NAV2: variants seen among roughly 807,000 people sequenced by gnomAD.
NAV2 encodes neuron navigator 2.
A neutral mutation model predicts 223.2 loss-of-function variants in NAV2; 54 were observed. The observed-to-expected ratio is 0.24, with a 90% CI of 0.19 to 0.30. The LOEUF is 0.30. NAV2 is among the 10% of genes least tolerant of loss of function. NAV2 has a pLI of 1.00. For synonymous variants in NAV2, 1,279 were observed against 1,239.3 expected (o/e 1.03, Z -0.67); for missense variants, 2,806 against 3,147.5 (o/e 0.89, Z 2.60).
At chr11:20,109,305 G>A (rs2062434594) in intron 36 of NAV2, among the ~76,000 whole-genome samples, 1 of 151,816 alleles carries the variant, frequency 6.6e-6, no homozygotes, top group South Asian at 2.1e-4. Flanking sequence ...CAGGAAAAAA[G>A]CAAGAAATTA....
intron 1 of NAV2, among the ~76,000 whole-genome samples, chr11:19,736,974 C>T (rs1056354622): frequency 3.3e-5 from 5 of 152,338 alleles, no homozygotes; most frequent in African/African-American, 7.2e-5. Context: ...TTTGGCGGGC[C>T]GGTCTCACAC....
At chr11:19,407,573 T>C (rs1181822556) in intron 1 of NAV2, among the ~76,000 whole-genome samples, 1 of 152,092 alleles carries the variant, frequency 6.6e-6, no homozygotes, top group African/African-American at 2.4e-5. Flanking sequence ...GGATTTGCAT[T>C]TTGGAGATAT....
At chr11:19,721,916 G>A (rs2050777398) in intron 1 of NAV2, among the ~76,000 whole-genome samples, 1 of 152,200 alleles carries the variant, frequency 6.6e-6, no homozygotes, top group East Asian at 1.9e-4. Flanking sequence ...GAAAGAAAAT[G>A]CAAAATGTTA....
chr11:19,741,162 T>G (rs2052762326), intron 1 of NAV2, among the ~76,000 whole-genome samples: 1 of 152,230 alleles, frequency 6.6e-6, no homozygotes, highest in Non-Finnish European at 1.5e-5. Context: ...TTGTATAAAT[T>G]TAAGATGTAC....
intron 1 of NAV2, 69 bp downstream of exon 1, chr11:19,714,031 G>A: frequency 6.4e-7 from 1 of 1,569,508 alleles, no homozygotes; most frequent in Non-Finnish European, 8.7e-7. Context: ...GGATGGTGTG[G>A]GAGAAAGGGC....
intron 10 of NAV2, among the ~76,000 whole-genome samples, chr11:19,963,632 CTG>C (rs1331635829): frequency 2.0e-5 from 3 of 152,192 alleles, no homozygotes; most frequent in Non-Finnish European, 2.9e-5. Context: ...ACCATGGAGG[CTG>C]TGGCAGGGGC....
At chr11:19,881,253 T>C (rs7122844) in intron 5 of NAV2, among the ~76,000 whole-genome samples, 1,925 of 152,254 alleles carry the variant, frequency 0.013, 37 homozygotes, top group African/African-American at 0.043. Flanking sequence ...CCATAATTAA[T>C]TATCTATTTA....
At chr11:20,079,721 G>A (rs2059970973) in intron 24 of NAV2, among the ~76,000 whole-genome samples, 1 of 152,174 alleles carries the variant, frequency 6.6e-6, no homozygotes, top group South Asian at 2.1e-4. Flanking sequence ...GAGAGCAGGA[G>A]AGGGAGGGGG....
At chr11:19,629,541 T>TCACA (rs2047285559) in intron 1 of NAV2, among the ~76,000 whole-genome samples, 2 of 116,488 alleles carry the variant, frequency 1.7e-5, no homozygotes, top group South Asian at 2.8e-4. Flanking sequence ...TCTCTCTCTC[T>TCACA]GACACACACA....
At chr11:20,029,075 T>C (rs558958498) in intron 11 of NAV2, among the ~76,000 whole-genome samples, 1 of 152,362 alleles carries the variant, frequency 6.6e-6, no homozygotes, top group African/African-American at 2.4e-5. Context: ...TGGAGTTACC[T>C]GTTCGGCAGC....
chr11:19,710,814 G>A (rs1321835904), upstream of NAV2: 1 of 152,188 alleles, frequency 6.6e-6, no homozygotes, highest in Non-Finnish European at 1.5e-5. Flanking sequence ...AAATCTAAAA[G>A]ACAATCTCTC....
intron 1 of NAV2, among the ~76,000 whole-genome samples, chr11:19,698,743 C>T (rs2049419315): frequency 6.6e-6 from 1 of 152,228 alleles, no homozygotes; most frequent in African/African-American, 2.4e-5. Flanking sequence ...CCATGGATTT[C>T]AACACCTCGG....
chr11:19,938,079 G>T (rs2046070227), intron 7 of NAV2, among the ~76,000 whole-genome samples: 1 of 152,218 alleles, frequency 6.6e-6, no homozygotes, highest in African/African-American at 2.4e-5. Flanking sequence ...GCCATGTGGA[G>T]AGAAGCCACA....
intron 10 of NAV2, among the ~76,000 whole-genome samples, chr11:19,958,145 C>G (rs952743786): frequency 6.6e-6 from 1 of 152,216 alleles, no homozygotes; most frequent in Non-Finnish European, 1.5e-5. Context: ...CCCACCCTTA[C>G]AGATGTCCTC....
chr11:19,989,368 C>T (rs946469617), intron 11 of NAV2, among the ~76,000 whole-genome samples: 2 of 152,140 alleles, frequency 1.3e-5, no homozygotes, highest in Non-Finnish European at 2.9e-5. Flanking sequence ...CCCAAGAATG[C>T]AGGTGGCCTC....
intron 6 of NAV2, among the ~76,000 whole-genome samples, chr11:19,909,349 G>A (rs1041183464): frequency 2.0e-5 from 3 of 152,120 alleles, no homozygotes; most frequent in East Asian, 1.9e-4. Flanking sequence ...GAGCATTGAC[G>A]CAGGTAACTG....
chr11:19,752,451 A>G (rs2053908896), intron 1 of NAV2, among the ~76,000 whole-genome samples: 1 of 152,206 alleles, frequency 6.6e-6, no homozygotes, highest in African/African-American at 2.4e-5. Context: ...AATGTCAACC[A>G]TAGGGATGGG....
At chr11:19,620,165 T>C (rs529895745) in intron 1 of NAV2, among the ~76,000 whole-genome samples, 2 of 152,142 alleles carry the variant, frequency 1.3e-5, no homozygotes, top group Admixed American at 1.3e-4. Flanking sequence ...TACTGTAGCC[T>C]TGTAGTATAG....
At chr11:20,076,691 C>A (rs2059777462) in intron 22 of NAV2, among the ~76,000 whole-genome samples, 1 of 152,224 alleles carries the variant, frequency 6.6e-6, no homozygotes, top group Non-Finnish European at 1.5e-5. Context: ...TTACCTCTTA[C>A]CCTTGAAGAG....
Sources: allele counts gnomAD v4.1 joint callset (sites outside exome capture counted in the v4.1 genomes callset), GRCh38; gene constraint gnomAD v4.1.1; transcripts MANE v1.5; gene names NCBI Gene and HGNC (gene_info 2026-07-23, HGNC 2026-07-21).